BAZ2B: variants seen among roughly 807,000 people sequenced by gnomAD.
BAZ2B encodes bromodomain adjacent to zinc finger domain protein 2B.
Under a neutral mutation model 246.0 loss-of-function variants are expected in BAZ2B, and 91 were observed. The ratio of observed to expected loss-of-function variants is 0.37; its 90% CI spans 0.31 to 0.44. BAZ2B has a LOEUF of 0.44. BAZ2B is among the 20% of genes least tolerant of loss of function. The pLI is 1.00. For missense variants in BAZ2B, 2,332 were observed against 2,533.7 expected (o/e 0.92, Z 1.71); for synonymous variants, 855 against 860.0 (o/e 0.99, Z 0.10).
chr2:159,496,139 G>A (rs961837624), intron 2 of BAZ2B, among the ~76,000 whole-genome samples: 3 of 148,908 alleles, frequency 2.0e-5, no homozygotes, highest in African/African-American at 7.3e-5. Flanking sequence ...ACTTTGGGAG[G>A]TCAAGGTGGG....
intron 1 of BAZ2B, among the ~76,000 whole-genome samples, chr2:159,558,059 G>C (rs1027551521): frequency 3.3e-5 from 5 of 152,104 alleles, no homozygotes; most frequent in African/African-American, 1.2e-4. Flanking sequence ...AAACCAGAAG[G>C]CTTCATGCTA....
In BAZ2B at chr2:159,579,945, A is replaced by C. The variant is rs1157913019; in HGVS notation, c.-45-24080T>G. Reference sequence around the variant, plus strand: ...AAAATAATAAGAGATATTTATGACAAACCCACAGCCAATATCATACTGAAT... The same window carrying C: ...AAAATAATAAGAGATATTTATGACACACCCACAGCCAATATCATACTGAAT... On this transcript the variant is annotated intron_variant, in intron 1 of 36. Coordinates refer to ENST00000392783, the MANE Select transcript of BAZ2B (RefSeq NM_013450.4). Among the ~76,000 whole-genome samples, 4 of 152,224 alleles carry C rather than the reference A, an allele frequency of 2.6e-5. No homozygotes were observed. In the South Asian group the frequency reaches 8.3e-4, roughly 31 times the overall value.
At chr2:159,657,996 T>C in the BAZ2B span, among the ~76,000 whole-genome samples, 2 of 152,238 alleles carry the variant, frequency 1.3e-5, no homozygotes, top group Non-Finnish European at 2.9e-5. Context: ...AGTGGACATC[T>C]CTGCCCTGTT....
intron 13 of BAZ2B, among the ~76,000 whole-genome samples, chr2:159,421,444 G>C (rs963167834): frequency 6.6e-6 from 1 of 151,786 alleles, no homozygotes; most frequent in Non-Finnish European, 1.5e-5. Flanking sequence ...CAAAGTGTTG[G>C]GATTACAGGT....
chr2:159,599,002 G>C (rs900532901), intron 1 of BAZ2B, among the ~76,000 whole-genome samples: 38 of 151,788 alleles, frequency 2.5e-4, no homozygotes, highest in Admixed American at 2.2e-3. Flanking sequence ...TAGCACTTTG[G>C]GAGGCCAGGG....
chr2:159,332,031 G>A (rs909087852), intron 34 of BAZ2B, among the ~76,000 whole-genome samples: 2 of 152,132 alleles, frequency 1.3e-5, no homozygotes, highest in Non-Finnish European at 2.9e-5. Context: ...TTTATGGAGA[G>A]GCGGTAGTTA....
chr2:159,581,426 G>A (rs1228329955), intron 1 of BAZ2B, among the ~76,000 whole-genome samples: 3 of 152,116 alleles, frequency 2.0e-5, no homozygotes, highest in Non-Finnish European at 4.4e-5. Context: ...GAAACAACAG[G>A]TGCTGGAGAG....
chr2:159,479,211 C>T (rs1451327747), intron 2 of BAZ2B, among the ~76,000 whole-genome samples: 5 of 152,026 alleles, frequency 3.3e-5, no homozygotes, highest in Admixed American at 6.6e-5. Context: ...CCCCCCATAC[C>T]CCTCAAAACA....
At chr2:159,489,114 T>C (rs1437075910) in intron 2 of BAZ2B, among the ~76,000 whole-genome samples, 1 of 152,162 alleles carries the variant, frequency 6.6e-6, no homozygotes, top group Non-Finnish European at 1.5e-5. Context: ...ATACTATCCA[T>C]GGATAGGTAT....
chr2:159,628,328 T>G, the BAZ2B span, among the ~76,000 whole-genome samples: 1 of 152,182 alleles, frequency 6.6e-6, no homozygotes, highest in South Asian at 2.1e-4. Context: ...ACTTTAAATT[T>G]CATATGGAAC....
chr2:159,509,662 ATTGAAAACAGGGAC>A (rs1379706799), intron 2 of BAZ2B, among the ~76,000 whole-genome samples: 1 of 152,138 alleles, frequency 6.6e-6, no homozygotes, highest in Non-Finnish European at 1.5e-5. Flanking sequence ...TACTACATGA[ATTGAAAACAGGGAC>A]TTGAAAACAT....
chr2:159,348,964 T>C (rs1277871732), intron 29 of BAZ2B, 43 bp downstream of exon 29: 14 of 1,597,920 alleles, frequency 8.8e-6, no homozygotes, highest in East Asian at 6.7e-5. Flanking sequence ...ATCCATAATA[T>C]TGAAATTGAG....
At chr2:159,533,544 A>T (rs1476471386) in intron 2 of BAZ2B, among the ~76,000 whole-genome samples, 1 of 152,152 alleles carries the variant, frequency 6.6e-6, no homozygotes, top group Non-Finnish European at 1.5e-5. Context: ...AGAAGCAGGC[A>T]ATCTTTCAAA....
chr2:159,535,250 G>A (rs918020259), intron 2 of BAZ2B, among the ~76,000 whole-genome samples: 1 of 143,356 alleles, frequency 7.0e-6, no homozygotes, highest in Non-Finnish European at 1.5e-5. Context: ...GGCTGGGCGC[G>A]GTGGCTCACG....
chr2:159,563,066 A>G (rs966426630), intron 1 of BAZ2B, among the ~76,000 whole-genome samples: 21 of 152,244 alleles, frequency 1.4e-4, no homozygotes, highest in African/African-American at 4.8e-4. Context: ...TACAGCGGTC[A>G]AAGAAATATT....
intron 1 of BAZ2B, among the ~76,000 whole-genome samples, chr2:159,556,140 C>T (rs987233313): frequency 3.3e-5 from 5 of 152,130 alleles, no homozygotes; most frequent in Admixed American, 2.6e-4. Context: ...AAAAAACAAG[C>T]TGTAGGACAT....
chr2:159,513,641 C>T (rs2083152476), intron 2 of BAZ2B, among the ~76,000 whole-genome samples: 1 of 152,158 alleles, frequency 6.6e-6, no homozygotes, highest in Non-Finnish European at 1.5e-5. Flanking sequence ...TCACATCCAG[C>T]CCATCCAGAA....
At chr2:159,682,139 C>A in the BAZ2B span, among the ~76,000 whole-genome samples, 1 of 151,384 alleles carries the variant, frequency 6.6e-6, no homozygotes, top group Non-Finnish European at 1.5e-5. Context: ...AATAAATATC[C>A]CCTCAGTCTC....
rs759487141 is a variant in BAZ2B at position 159,350,027 on chromosome 2, G to A, written c.4544C>T (p.Ala1515Val). Residue 1515 changes from alanine (A) to valine (V), a missense_variant, in exon 28 of 37, where the codon GCA (alanine) becomes GTA (valine). By Grantham distance (64) the Ala-to-Val change is moderately conservative. Coordinates refer to ENST00000392783, the MANE Select transcript of BAZ2B (RefSeq NM_013450.4). Reference sequence around the variant, plus strand: ...TGCCTTTTCCACATTGCTTTGCGTTGCTGTTGACTGAACGCTGCCCAGTGA... The same window carrying A: ...TGCCTTTTCCACATTGCTTTGCGTTACTGTTGACTGAACGCTGCCCAGTGA... ...KHSLGSVQST[A>V]TQSNVEKADS... 1.2e-6 allele frequency: 2 copies of A among 1,614,100 alleles called. No individual in the cohort carries two copies. The highest frequency in any genetic ancestry group is 1.1e-5 in the South Asian group (1 of 91,080).
Sources: gnomAD v4.1 joint callset for allele counts (sites outside exome capture counted in the v4.1 genomes callset) on GRCh38, gnomAD v4.1.1 for gene constraint, MANE v1.5 for transcripts, NCBI Gene and HGNC (gene_info 2026-07-23, HGNC 2026-07-21) for gene names.